The following SDK1 variants were observed in gnomAD, a reference collection of about 807,000 sequenced individuals.
SDK1 encodes protein sidekick-1.
SDK1 carries 157 observed loss-of-function variants against 245.5 expected under a neutral mutation model. That is an observed-to-expected ratio of 0.64 (90% CI 0.56 to 0.73). The LOEUF is 0.73. SDK1 is among the 30% of genes least tolerant of loss of function. The pLI is 0.00. For synonymous variants in SDK1, 1,647 were observed against 1,278.5 expected (o/e 1.29, Z -6.15); for missense variants, 3,583 against 3,002.3 (o/e 1.19, Z -4.52).
chr7:3,918,800 A>T (rs1779481859), intron 5 of SDK1, among the ~76,000 whole-genome samples: 1 of 152,038 alleles, frequency 6.6e-6, no homozygotes, highest in African/African-American at 2.4e-5. Context: ...GGTTCTACCG[A>T]GAGACTTCCT....
At chr7:3,549,406 ATTC>A (rs1444418644) in intron 1 of SDK1, among the ~76,000 whole-genome samples, 1 of 152,206 alleles carries the variant, frequency 6.6e-6, no homozygotes, top group African/African-American at 2.4e-5. Context: ...TATACATAGA[ATTC>A]TTTGTGAGTT....
chr7:4,153,090 G>C (rs1780491564), intron 30 of SDK1, among the ~76,000 whole-genome samples: 1 of 152,076 alleles, frequency 6.6e-6, no homozygotes, highest in Non-Finnish European at 1.5e-5. Context: ...GGCTGTGATG[G>C]GCTCAGCTCC....
chr7:3,804,197 C>G (rs1213564712), intron 4 of SDK1, among the ~76,000 whole-genome samples: 1 of 152,136 alleles, frequency 6.6e-6, no homozygotes, highest in Non-Finnish European at 1.5e-5. Flanking sequence ...TCTCTGATAT[C>G]TTCTCCTAAA....
intron 1 of SDK1, among the ~76,000 whole-genome samples, chr7:3,562,500 G>T (rs75615129): frequency 3.3e-5 from 5 of 152,148 alleles, no homozygotes; most frequent in Admixed American, 6.5e-5. Flanking sequence ...CAACAAAAAT[G>T]CTAGGAACCC....
intron 1 of SDK1, among the ~76,000 whole-genome samples, chr7:3,492,251 T>A (rs529199349): frequency 6.6e-6 from 1 of 152,344 alleles, no homozygotes; most frequent in South Asian, 2.1e-4. Flanking sequence ...GATTTGTGAA[T>A]TTTAGAGTAA....
rs142111953 is a variant in SDK1 at position 3,730,623 on chromosome 7, G to C, written c.713+88518G>C. Among the ~76,000 whole-genome samples the C allele has an allele frequency of 2.8e-3, 423 of 152,242 alleles. 4 individuals are homozygous for C. In the East Asian group the frequency reaches 0.033, roughly 12 times the overall value. Reference sequence around the variant, plus strand: ...GGTCACAAATGGCTTTTTTCTCTGGGAAGGAAGCCAGTGGTGTGTGAGTTG... The same window carrying C: ...GGTCACAAATGGCTTTTTTCTCTGGCAAGGAAGCCAGTGGTGTGTGAGTTG... On this transcript the variant is annotated intron_variant, in intron 4 of 44. Transcript: ENST00000404826.
At chr7:4,062,423 A>C (rs546920875) in intron 19 of SDK1, among the ~76,000 whole-genome samples, 1 of 152,288 alleles carries the variant, frequency 6.6e-6, no homozygotes, top group African/African-American at 2.4e-5. Flanking sequence ...GAAACATAAA[A>C]TCTGAACAGA....
At chr7:3,578,706 C>G (rs1268925399) in intron 1 of SDK1, among the ~76,000 whole-genome samples, 1 of 151,632 alleles carries the variant, frequency 6.6e-6, no homozygotes, top group Non-Finnish European at 1.5e-5. Context: ...GCTTGCACAT[C>G]CGTTTATAGG....
chr7:3,495,585 T>G (rs1269383623), intron 1 of SDK1, among the ~76,000 whole-genome samples: 1 of 152,198 alleles, frequency 6.6e-6, no homozygotes, highest in Non-Finnish European at 1.5e-5. Flanking sequence ...ATGCTGTCCC[T>G]GTGTTCAGGC....
At chr7:3,823,165 T>C (rs1326459139) in intron 5 of SDK1, among the ~76,000 whole-genome samples, 2 of 152,176 alleles carry the variant, frequency 1.3e-5, no homozygotes, top group Non-Finnish European at 2.9e-5. Flanking sequence ...CATTGAGAAT[T>C]ACAGTAGAAA....
chr7:3,688,700 C>T (rs1207259303), intron 4 of SDK1, among the ~76,000 whole-genome samples: 1 of 152,138 alleles, frequency 6.6e-6, no homozygotes, highest in East Asian at 1.9e-4. Context: ...AAGTATCTTC[C>T]AGTGTTTATC....
At chr7:3,852,577 C>A (rs1355239757) in intron 5 of SDK1, among the ~76,000 whole-genome samples, 1 of 151,130 alleles carries the variant, frequency 6.6e-6, no homozygotes, top group East Asian at 2.0e-4. Flanking sequence ...GAAACCCCGT[C>A]TCTACTAAAA....
At chr7:3,499,150 C>T (rs1389315474) in intron 1 of SDK1, among the ~76,000 whole-genome samples, 1 of 152,142 alleles carries the variant, frequency 6.6e-6, no homozygotes, top group Admixed American at 6.6e-5. Context: ...TTGGAAAAAC[C>T]TGGCTTTCTG....
intron 1 of SDK1, among the ~76,000 whole-genome samples, chr7:3,528,375 AG>A (rs902980474): frequency 2.0e-5 from 3 of 151,588 alleles, no homozygotes; most frequent in African/African-American, 7.3e-5. Flanking sequence ...GGTGTCAGCT[AG>A]GGGGTGAGTG....
At chr7:4,167,396 C>T (rs1781563043) in intron 32 of SDK1, among the ~76,000 whole-genome samples, 1 of 148,044 alleles carries the variant, frequency 6.8e-6, no homozygotes, top group Non-Finnish European at 1.5e-5. Context: ...AGCAAGACTC[C>T]GTCTTGAAAA....
At chr7:3,410,292 A>G (rs761688505) in intron 1 of SDK1, among the ~76,000 whole-genome samples, 18 of 150,222 alleles carry the variant, frequency 1.2e-4, no homozygotes, top group Non-Finnish European at 2.4e-4. Context: ...CAACATTATT[A>G]AAAATATATA....
At chr7:4,259,719 A>G (rs2128243092) in intron 44 of SDK1, among the ~76,000 whole-genome samples, 1 of 152,262 alleles carries the variant, frequency 6.6e-6, no homozygotes, top group East Asian at 1.9e-4. Context: ...TCGCCACCAA[A>G]TGAGTTATAA....
chr7:4,084,679 ATG>A (rs1584073724), intron 22 of SDK1, among the ~76,000 whole-genome samples: 2 of 78,342 alleles, frequency 2.6e-5, no homozygotes, highest in South Asian at 4.8e-4. Flanking sequence ...ATGTTACGTT[ATG>A]TTATGTTATG....
intron 22 of SDK1, among the ~76,000 whole-genome samples, chr7:4,093,511 A>G (rs1781938344): frequency 6.6e-6 from 1 of 151,770 alleles, no homozygotes; most frequent in Non-Finnish European, 1.5e-5. Context: ...TTTGTGCATA[A>G]TAGTAGCCAT....
Sources: gnomAD v4.1 joint callset for allele counts (sites outside exome capture counted in the v4.1 genomes callset) on GRCh38, gnomAD v4.1.1 for gene constraint, MANE v1.5 for transcripts, NCBI Gene and HGNC (gene_info 2026-07-23, HGNC 2026-07-21) for gene names.